WDR93: variants seen among roughly 807,000 people sequenced by gnomAD.
WDR93 encodes WD repeat domain 93.
A neutral mutation model predicts 82.9 loss-of-function variants in WDR93; 73 were observed. That is an observed-to-expected ratio of 0.88 (90% CI 0.73 to 1.07). The LOEUF is 1.07. WDR93 is among the 50% of genes least tolerant of loss of function. The pLI is 0.00. For missense variants in WDR93, 738 were observed against 826.0 expected (o/e 0.89, Z 1.31); for synonymous variants, 283 against 300.1 (o/e 0.94, Z 0.59).
chr15:89,702,028 C>T lies in WDR93; in HGVS notation c.282C>T (p.Tyr94=). Reference sequence around the variant, plus strand: ...GCAGCCAGATCCAGCCCACCGTCTACCCTCCACTTGGAGAAATCCAGGTAT... The same window carrying T: ...GCAGCCAGATCCAGCCCACCGTCTATCCTCCACTTGGAGAAATCCAGGTAT... The part of the protein sequence containing the change: ...AESSQIQPTV[Y]PPLGEIQLNK... Residue 94 remains tyrosine (Y), a synonymous_variant, in exon 2 of 17, where the codon TAC becomes TAT. Transcript: ENST00000268130. 4 of 1,609,930 alleles carry T rather than the reference C, an allele frequency of 2.5e-6. No individual in the cohort carries two copies. The highest frequency in any genetic ancestry group is 3.4e-6 in the Non-Finnish European group (4 of 1,177,910).
intron 8 of WDR93, among the ~76,000 whole-genome samples, chr15:89,726,842 G>A (rs1966755368): frequency 1.3e-5 from 2 of 151,964 alleles, no homozygotes; most frequent in Admixed American, 1.3e-4. Context: ...CAGTGGCATT[G>A]TGAACATTTC....
At position 89,724,332 on chromosome 15, in the gene WDR93, C is replaced by T. The variant is rs141863624; in HGVS notation, c.880+2193C>T. On this transcript the variant is annotated intron_variant, in intron 8 of 16. Coordinates refer to ENST00000268130, the MANE Select transcript of WDR93 (RefSeq NM_020212.2). Reference sequence around the variant, plus strand: ...ACTCCTGCCTGGGCGACACAGCGAGCGAGAACCTGTCTCAAAAAAAAGAAA... The same window carrying T: ...ACTCCTGCCTGGGCGACACAGCGAGTGAGAACCTGTCTCAAAAAAAAGAAA... Among the ~76,000 whole-genome samples the T allele has an allele frequency of 2.2e-3, 334 of 151,902 alleles. 1 individual carries two copies. The highest frequency in any genetic ancestry group is 3.8e-3 in the Non-Finnish European group (255 of 67,954).
At chr15:89,729,807 G>A in intron 11 of WDR93, 38 bp downstream of exon 11, 4 of 1,525,984 alleles carry the variant, frequency 2.6e-6, no homozygotes, top group Non-Finnish European at 3.6e-6. Context: ...CTAAGCTCAG[G>A]ACTTGCAGAC....
chr15:89,703,490 A>C (rs1023365538), intron 3 of WDR93: 9 of 290,370 alleles, frequency 3.1e-5, no homozygotes, highest in Admixed American at 1.4e-4. Context: ...CCCTTCCAGC[A>C]CTCAGCAGTC....
intron 1 of WDR93, among the ~76,000 whole-genome samples, chr15:89,695,723 A>T (rs1965133893): frequency 6.6e-6 from 1 of 152,054 alleles, no homozygotes; most frequent in Admixed American, 6.6e-5. Context: ...TTCCTATATA[A>T]GCATATCATC....
intron 1 of WDR93, among the ~76,000 whole-genome samples, chr15:89,697,878 AT>A (rs377526780): frequency 0.22 from 28,252 of 130,586 alleles, 2,346 homozygotes; most frequent in African/African-American, 0.34. Flanking sequence ...CACTTTTATA[AT>A]TTTTTTTTTT....
At chr15:89,735,416 T>C in intron 13 of WDR93, 74 bp from the exon 14 acceptor site, 1 of 1,460,318 alleles carries the variant, frequency 6.8e-7, no homozygotes, top group East Asian at 2.3e-5. Flanking sequence ...CTCCAGGATA[T>C]ATGCCTAGAA....
chr15:89,743,010 A>T (rs1339941863), intron 16 of WDR93, among the ~76,000 whole-genome samples: 1 of 152,200 alleles, frequency 6.6e-6, no homozygotes, highest in East Asian at 1.9e-4. Context: ...GTTGTGTGTA[A>T]TACCACAGCT....
intron 11 of WDR93, among the ~76,000 whole-genome samples, chr15:89,730,746 C>T (rs554441310): frequency 6.6e-6 from 1 of 151,728 alleles, no homozygotes; most frequent in East Asian, 1.9e-4. Context: ...AATAGCCAAG[C>T]GTGGCAGCAT....
chr15:89,735,864 G>C (rs1365047572), intron 14 of WDR93, among the ~76,000 whole-genome samples: 1 of 152,196 alleles, frequency 6.6e-6, no homozygotes, highest in Non-Finnish European at 1.5e-5. Flanking sequence ...CAGCAGGGGA[G>C]GACTGTGTTT....
chr15:89,690,905 C>G, intron 1 of WDR93, 48 bp downstream of exon 1: 1 of 437,236 alleles, frequency 2.3e-6, no homozygotes, highest in Non-Finnish European at 4.1e-6. Context: ...CCCCTCGAGT[C>G]CCAGGACTCC....
chr15:89,701,404 G>A (rs1965458288), intron 1 of WDR93, among the ~76,000 whole-genome samples: 1 of 152,178 alleles, frequency 6.6e-6, no homozygotes, highest in African/African-American at 2.4e-5. Flanking sequence ...TTGTAGGAGA[G>A]AGGGTGAATT....
At chr15:89,718,762 GT>G (rs147709724) in intron 7 of WDR93, among the ~76,000 whole-genome samples, 1 of 152,134 alleles carries the variant, frequency 6.6e-6, no homozygotes, top group Non-Finnish European at 1.5e-5. Flanking sequence ...AGCTTGACAT[GT>G]TTTTTTGTTT....
At position 89,729,072 on chromosome 15, in the gene WDR93, C is replaced by G. The variant is rs771085126; in HGVS notation, c.1102C>G (p.Pro368Ala). ...TCCTAGCTGCCTATTTGCAATGCCA[C>G]CGGAAGTCAAGGGCCCCTCAGGTAA... Reference protein sequence around the residue: ...LLPSCLFAMPPEVKGPSGMAC... With the variant: ...LLPSCLFAMPAEVKGPSGMAC... Residue 368 changes from proline to alanine, a missense_variant, in exon 10 of 17, where the codon CCG (proline) becomes GCG (alanine). Coordinates refer to ENST00000268130, the MANE Select transcript of WDR93 (RefSeq NM_020212.2). 1 of 1,614,130 alleles carries G rather than the reference C, an allele frequency of 6.2e-7. No individual in the cohort carries two copies. Among genetic ancestry groups the G allele is most frequent in the East Asian group, 2.2e-5 (1 of 44,874 alleles).
At chr15:89,705,428 G>C in intron 3 of WDR93, 126 bp from the exon 4 acceptor site, 1 of 699,612 alleles carries the variant, frequency 1.4e-6, no homozygotes, top group Non-Finnish European at 2.6e-6. Flanking sequence ...CAGTGGAGGG[G>C]CTGGGAAGGA....
rs1966843308 is a variant in WDR93 at position 89,729,695 on chromosome 15, T to C, written c.1136T>C (p.Val379Ala). Residue 379 changes from valine to alanine, a missense_variant, in exon 11 of 17, where the codon GTC (valine) becomes GCC (alanine). Transcript: ENST00000268130. ...EVKGPSGMAC[V>A]LGIHWTRSHN... ...GCCCCCCCACCAGGAATGGCCTGTG[T>C]CCTTGGTATACACTGGACCAGAAGT... 1 of 1,610,714 alleles carries C rather than the reference T, an allele frequency of 6.2e-7. No individual in the cohort carries two copies. Among genetic ancestry groups the C allele is most frequent in the Non-Finnish European group, 8.5e-7 (1 of 1,178,516 alleles).
At chr15:89,714,837 TCTC>T in intron 5 of WDR93, 140 bp from the exon 6 acceptor site, 1 of 632,544 alleles carries the variant, frequency 1.6e-6, no homozygotes, top group Non-Finnish European at 2.8e-6. Context: ...CAGAACTACT[TCTC>T]CTTCAGTATG....
rs999018488 is a variant in WDR93, at chr15:89,702,107, A to G, written c.303+58A>G. ...TTTCTCAGTTGAGTGTTAATAAATG[A>G]AATCCCCTGATCCAGGAAGGAATTC... On this transcript the variant is annotated intron_variant, in intron 2 of 16. Coordinates refer to ENST00000268130, the MANE Select transcript of WDR93 (RefSeq NM_020212.2). 5 of 1,515,840 alleles carry G rather than the reference A, an allele frequency of 3.3e-6. No homozygotes were observed. In the African/African-American group the frequency reaches 6.9e-5, roughly 21 times the overall value. The allele number at this position is 1,515,840 out of a possible 1,614,324, so 93.9% of individuals were successfully genotyped here.
chr15:89,733,992 AAT>A (rs1491332694), intron 13 of WDR93, among the ~76,000 whole-genome samples: 1 of 149,560 alleles, frequency 6.7e-6, no homozygotes, highest in Non-Finnish European at 1.5e-5. Context: ...GAACCTGTAT[AAT>A]GTGTGTGTGT....
Sources: gnomAD v4.1 joint callset for allele counts (sites outside exome capture counted in the v4.1 genomes callset) on GRCh38, gnomAD v4.1.1 for gene constraint, MANE v1.5 for transcripts, NCBI Gene and HGNC (gene_info 2026-07-23, HGNC 2026-07-21) for gene names.